The following DCK variants were observed in gnomAD, a reference collection of about 807,000 sequenced individuals.
The protein encoded by DCK is deoxyadenosine kinase.
In DCK, 23 loss-of-function variants were observed where a neutral mutation model predicts 38.3. The ratio of observed to expected loss-of-function variants is 0.60; its 90% confidence interval spans 0.43 to 0.85. DCK has a LOEUF of 0.85. Ranked by LOEUF, DCK falls within the 40% of genes least tolerant of loss-of-function variation. The pLI, the probability that DCK is intolerant of heterozygous loss-of-function variation, is 0.00. For synonymous variants in DCK, 108 were observed against 100.6 expected (o/e 1.07, Z -0.44); for missense variants, 259 against 304.4 (o/e 0.85, Z 1.11).
chr4:71,020,802 T>G (rs1433882311), intron 2 of DCK, among the ~76,000 whole-genome samples: 1 of 152,122 alleles, frequency 6.6e-6, no homozygotes, highest in Non-Finnish European at 1.5e-5. Context: ...TTATGTTGGC[T>G]CCTTTGTCCT....
intron 2 of DCK, among the ~76,000 whole-genome samples, chr4:71,008,602 T>G (rs1740012160): frequency 6.6e-6 from 1 of 152,180 alleles, no homozygotes; most frequent in Non-Finnish European, 1.5e-5. Flanking sequence ...GTCAGTGCAG[T>G]TATCCTCAGG....
chr4:71,012,620 T>C (rs1264963570), intron 2 of DCK, among the ~76,000 whole-genome samples: 1 of 152,186 alleles, frequency 6.6e-6, no homozygotes, highest in Admixed American at 6.5e-5. Flanking sequence ...GTATTCGCTG[T>C]TCTGCAGCCT....
At position 70,993,881 on chromosome 4, in the gene DCK, T is replaced by C. The variant is rs760439706; in HGVS notation, c.46T>C (p.Ser16Pro). ...KRSCPSFSAS[S>P]EGTRIKKISI... ...AAGCTGCCCGTCTTTCTCAGCCAGC[T>C]CTGAGGGGACCCGCATCAAGAAAAT... Residue 16 changes from serine to proline, a missense_variant, in exon 1 of 7, where the codon TCT becomes CCT. Coordinates refer to ENST00000286648, the MANE Select transcript of DCK (RefSeq NM_000788.3). The C allele has an allele frequency of 6.2e-7, 1 of 1,613,962 alleles. No homozygotes were observed. Among genetic ancestry groups the C allele is most frequent in the East Asian group, 2.2e-5 (1 of 44,886 alleles).
At chr4:71,001,085 C>T (rs1560679568) in intron 2 of DCK, among the ~76,000 whole-genome samples, 1 of 151,964 alleles carries the variant, frequency 6.6e-6, no homozygotes, top group Non-Finnish European at 1.5e-5. Flanking sequence ...GCATCCTTAT[C>T]CTGTGCCGAT....
intron 1 of DCK, among the ~76,000 whole-genome samples, chr4:70,994,660 A>G (rs1455381539): frequency 6.6e-6 from 1 of 152,130 alleles, no homozygotes; most frequent in Non-Finnish European, 1.5e-5. Context: ...TTTTTTAGCT[A>G]TATTATTAGC....
At chr4:71,023,731 CA>C (rs779186479) in intron 4 of DCK, 25 bp downstream of exon 4, 2 of 1,590,916 alleles carry the variant, frequency 1.3e-6, no homozygotes, top group Non-Finnish European at 1.7e-6. Context: ...AAATGTGTTT[CA>C]CTGAAAATTT....
intron 2 of DCK, among the ~76,000 whole-genome samples, chr4:71,002,616 GA>G (rs1371319850): frequency 1.3e-5 from 2 of 152,114 alleles, no homozygotes; most frequent in Non-Finnish European, 2.9e-5. Flanking sequence ...GGGTTTCTAA[GA>G]ACTTGCATTT....
At chr4:71,015,526 A>T (rs1166028902) in intron 2 of DCK, among the ~76,000 whole-genome samples, 1 of 152,202 alleles carries the variant, frequency 6.6e-6, no homozygotes, top group Non-Finnish European at 1.5e-5. Flanking sequence ...TCGATGCAAA[A>T]ATCCTCAGTA....
At chr4:71,011,282 A>C (rs1311118043) in intron 2 of DCK, among the ~76,000 whole-genome samples, 2 of 130,732 alleles carry the variant, frequency 1.5e-5, no homozygotes. Flanking sequence ...TCTGTCCCTT[A>C]GTAAGTCATT....
At chr4:71,011,834 A>G (rs888399532) in intron 2 of DCK, among the ~76,000 whole-genome samples, 2 of 152,212 alleles carry the variant, frequency 1.3e-5, no homozygotes, top group African/African-American at 2.4e-5. Flanking sequence ...TGTACTTCCT[A>G]TAACAATGAA....
intron 6 of DCK, among the ~76,000 whole-genome samples, 178 bp from the exon 7 acceptor site, chr4:71,029,174 A>C (rs932271657): frequency 6.6e-6 from 1 of 152,234 alleles, no homozygotes; most frequent in Non-Finnish European, 1.5e-5. Flanking sequence ...AATTACAGGC[A>C]TGAGCCGCTG....
chr4:71,026,881 G>A (rs566248020), intron 6 of DCK, 126 bp downstream of exon 6: 2 of 556,464 alleles, frequency 3.6e-6, no homozygotes, highest in East Asian at 3.3e-5. Flanking sequence ...AAGAGCTTTA[G>A]AAGATTTTGG....
Position 71,025,798 on chromosome 4 carries a change from C to T in DCK, c.550-18C>T, listed in dbSNP as rs1290242705. 13 of 1,579,072 alleles carry T rather than the reference C, an allele frequency of 8.2e-6. No individual in the cohort carries two copies. Among genetic ancestry groups the T allele is most frequent in the African/African-American group, 1.4e-5 (1 of 72,828 alleles). On this transcript the variant is annotated intron_variant, in intron 4 of 6. Coordinates refer to ENST00000286648, the MANE Select transcript of DCK (RefSeq NM_000788.3). ...TGTTCCCTGCCTTTTTCTTCCATCT[C>T]TTATTACTTGCTTTTAGACATGCTT...
intron 6 of DCK, chr4:71,028,562 T>C (rs1443778554): frequency 2.5e-6 from 1 of 405,688 alleles, no homozygotes; most frequent in Non-Finnish European, 4.9e-6. Flanking sequence ...AATGACCTTT[T>C]AGGTCATTCA....
Position 70,993,860 on chromosome 4 carries a change from T to A in DCK, c.25T>A (p.Cys9Ser). The A allele has an allele frequency of 6.2e-7, 1 of 1,613,968 alleles. No homozygotes were observed. Among genetic ancestry groups the A allele is most frequent in the African/African-American group, 1.3e-5 (1 of 75,058 alleles). Residue 9 changes from cysteine (C) to serine (S), a missense_variant, in exon 1 of 7, where the codon TGC (cysteine) becomes AGC (serine). Physicochemically the swap from Cys to Ser is moderately radical, Grantham distance 112. Transcript: ENST00000286648. The stretch of plus-strand genomic sequence containing the variant: ...AATGGCCACCCCGCCCAAGAGAAGC[T>A]GCCCGTCTTTCTCAGCCAGCTCTGA... MATPPKRS[C>S]PSFSASSEGT...
At chr4:71,018,390 A>C (rs1243379785) in intron 2 of DCK, among the ~76,000 whole-genome samples, 1 of 152,076 alleles carries the variant, frequency 6.6e-6, no homozygotes, top group African/African-American at 2.4e-5. Flanking sequence ...GGCCTCCCAA[A>C]GTGCTAGGAT....
At chr4:71,015,733 AC>A (rs1392170609) in intron 2 of DCK, among the ~76,000 whole-genome samples, 4 of 152,082 alleles carry the variant, frequency 2.6e-5, no homozygotes, top group African/African-American at 7.2e-5. Flanking sequence ...AAACTCAACA[AC>A]CCTTATGCTA....
At chr4:71,016,998 C>G (rs1278703163) in intron 2 of DCK, among the ~76,000 whole-genome samples, 1 of 152,140 alleles carries the variant, frequency 6.6e-6, no homozygotes, top group Non-Finnish European at 1.5e-5. Context: ...GAACAGGCAA[C>G]CTACAGAATG....
chr4:71,009,298 CT>C (rs1480842789), intron 2 of DCK, among the ~76,000 whole-genome samples: 2 of 152,308 alleles, frequency 1.3e-5, no homozygotes, highest in Admixed American at 1.3e-4. Flanking sequence ...GTATACTGAA[CT>C]CTTTAGTTAG....
Sources: allele counts gnomAD v4.1 joint callset (sites outside exome capture counted in the v4.1 genomes callset), GRCh38; gene constraint gnomAD v4.1.1; transcripts MANE v1.5; gene names NCBI Gene and HGNC (gene_info 2026-07-23, HGNC 2026-07-21).